The following CDYL variants were observed in gnomAD, a reference collection of about 807,000 sequenced individuals.
The protein encoded by CDYL is chromodomain Y like.
A neutral mutation model predicts 47.3 loss-of-function variants in CDYL; 8 were observed. The ratio of observed to expected loss-of-function variants is 0.17; its 90% CI spans 0.10 to 0.31. The LOEUF is 0.31. CDYL is among the 10% of genes least tolerant of loss of function. CDYL has a pLI of 1.00. For missense variants in CDYL, 471 were observed against 701.4 expected (o/e 0.67, Z 3.71); for synonymous variants, 266 against 265.0 (o/e 1.00, Z -0.04).
intron 5 of CDYL, among the ~76,000 whole-genome samples, chr6:4,944,694 A>G (rs750610932): frequency 2.6e-5 from 4 of 152,256 alleles, no homozygotes; most frequent in Admixed American, 6.5e-5. Context: ...TTAGGCAGCA[A>G]TAACTTGCAG....
chr6:4,722,738 G>A (rs1757394928), intron 2 of CDYL, among the ~76,000 whole-genome samples: 1 of 152,116 alleles, frequency 6.6e-6, no homozygotes, highest in Non-Finnish European at 1.5e-5. Context: ...TTAGCTGGAT[G>A]TGCAGGTGCA....
intron 1 of CDYL, among the ~76,000 whole-genome samples, chr6:4,891,000 G>A (rs1000955037): frequency 9.9e-5 from 15 of 152,174 alleles, no homozygotes; most frequent in East Asian, 7.7e-4. Context: ...AATTTGTCAC[G>A]GTGATAAAAC....
At chr6:4,716,174 G>C (rs1295932707) in intron 2 of CDYL, among the ~76,000 whole-genome samples, 1 of 151,806 alleles carries the variant, frequency 6.6e-6, no homozygotes, top group Non-Finnish European at 1.5e-5. Context: ...CGTGAACCCG[G>C]GAGGCGGAGC....
intron 3 of CDYL, among the ~76,000 whole-genome samples, chr6:4,744,575 A>G (rs1346100332): frequency 6.6e-6 from 1 of 152,220 alleles, no homozygotes; most frequent in Non-Finnish European, 1.5e-5. Flanking sequence ...GAGTCCTACT[A>G]CCACTGATTA....
chr6:4,749,291 GGATGGATGGATGGATA>G (rs1409100022), intron 3 of CDYL, among the ~76,000 whole-genome samples: 6 of 135,034 alleles, frequency 4.4e-5, no homozygotes, highest in Admixed American at 8.2e-5. Flanking sequence ...TTGGATGGAT[GGATGGATGGATGGATA>G]GATGGATGGA....
In CDYL at chr6:4,937,609, T is replaced by C. The variant is rs1758237705; in HGVS notation, c.993T>C (p.Asp331=). The C allele has an allele frequency of 1.9e-6, 3 of 1,599,958 alleles. No homozygotes were observed. The highest frequency in any genetic ancestry group is 1.4e-5 in the African/African-American group (1 of 73,880). Residue 331 remains aspartate (D), a synonymous_variant, in exon 4 of 7, where the codon GAT becomes GAC. Transcript: ENST00000397588. The stretch of plus-strand genomic sequence containing the variant: ...GTGCTCTGAGCACGGCCGCTGCCGA[T>C]GACAGCAAGCTGGTACTGCTCAGCG... ...VQSALSTAAA[D]DSKLVLLSAV...
chr6:4,777,713 G>T (rs1395992340), intron 1 of CDYL, among the ~76,000 whole-genome samples: 1 of 152,136 alleles, frequency 6.6e-6, no homozygotes, highest in Non-Finnish European at 1.5e-5. Flanking sequence ...GGTGTTGAGG[G>T]ACTTAAGGAA....
At chr6:4,948,041 G>A (rs1207653512) in intron 5 of CDYL, among the ~76,000 whole-genome samples, 7 of 152,218 alleles carry the variant, frequency 4.6e-5, no homozygotes, top group African/African-American at 1.7e-4. Flanking sequence ...CCATGGTAGA[G>A]TCATTATCAG....
chr6:4,938,817 C>G (rs983958862), intron 4 of CDYL, among the ~76,000 whole-genome samples: 2 of 152,176 alleles, frequency 1.3e-5, no homozygotes, highest in Non-Finnish European at 2.9e-5. Flanking sequence ...GGATTTTCCT[C>G]TGCTATATGA....
chr6:4,876,155 C>T (rs1351377964), intron 1 of CDYL, among the ~76,000 whole-genome samples: 1 of 152,236 alleles, frequency 6.6e-6, no homozygotes, highest in East Asian at 1.9e-4. Context: ...GTTGTTTATA[C>T]AGTAGTTTTT....
At chr6:4,734,783 C>T (rs1757672402) in exon 3 of CDYL, 1 of 1,614,166 alleles carries the variant, frequency 6.2e-7, no homozygotes, top group Non-Finnish European at 8.5e-7. Context: ...GATGGGCCTT[C>T]AGACCCCAGC....
intron 2 of CDYL, among the ~76,000 whole-genome samples, chr6:4,928,025 A>T (rs538965794): frequency 2.8e-4 from 43 of 152,308 alleles, no homozygotes; most frequent in Non-Finnish European, 4.3e-4. Context: ...CCTCTAGCTC[A>T]TCATTTTCCC....
intron 2 of CDYL, among the ~76,000 whole-genome samples, chr6:4,922,959 T>C (rs1757761385): frequency 6.6e-6 from 1 of 152,230 alleles, no homozygotes; most frequent in South Asian, 2.1e-4. Context: ...TATTTTTTAC[T>C]ATTTTTACTC....
At chr6:4,767,752 C>T (rs181176950) in intron 3 of CDYL, among the ~76,000 whole-genome samples, 1 of 152,202 alleles carries the variant, frequency 6.6e-6, no homozygotes, top group African/African-American at 2.4e-5. Flanking sequence ...CCACTTTACT[C>T]AATGTCATAT....
At chr6:4,820,389 C>G (rs1759800931) in intron 1 of CDYL, among the ~76,000 whole-genome samples, 1 of 152,146 alleles carries the variant, frequency 6.6e-6, no homozygotes, top group Non-Finnish European at 1.5e-5. Flanking sequence ...CTCCTCACAG[C>G]AAAGTTTTAC....
At chr6:4,893,410 T>A (rs527383146) in intron 2 of CDYL, among the ~76,000 whole-genome samples, 1 of 152,318 alleles carries the variant, frequency 6.6e-6, no homozygotes, top group Admixed American at 6.5e-5. Context: ...ATTGTCTCTT[T>A]AGCCGGGCGT....
In CDYL at chr6:4,723,340, C is replaced by T. The variant is rs150103571; in HGVS notation, c.103+7459C>T. The stretch of plus-strand genomic sequence containing the variant: ...TTCCTAGGGTCCTAGAACCAATCCC[C>T]AACAGATACCAAGGATGACTGCACT... On this transcript the variant is annotated intron_variant, in intron 2 of 8. Transcript: ENST00000328908. Among the ~76,000 whole-genome samples, 590 of 152,116 alleles carry T rather than the reference C, an allele frequency of 3.9e-3. 4 individuals carry two copies. The highest frequency in any genetic ancestry group is 0.014 in the African/African-American group (564 of 41,484).
In CDYL at chr6:4,954,895, G is replaced by A. The variant is rs1363992521; in HGVS notation, c.*839G>A. On this transcript the variant is annotated 3_prime_UTR_variant, in exon 7 of 7. Coordinates refer to ENST00000397588, the MANE Select transcript of CDYL (RefSeq NM_004824.4). Reference sequence around the variant, plus strand: ...CTACATAAGTGCTTCTTGTTGCTGGGTGAGAAATACTACTTTATAGACAGT... The same window carrying A: ...CTACATAAGTGCTTCTTGTTGCTGGATGAGAAATACTACTTTATAGACAGT... 3 of 152,194 alleles carry A rather than the reference G, an allele frequency of 2.0e-5. No individual in the cohort carries two copies. The highest frequency in any genetic ancestry group is 4.4e-5 in the Non-Finnish European group (3 of 68,032). The allele number at this position is 152,194 out of a possible 1,614,324, so 9.4% of individuals were successfully genotyped here. A position where few individuals can be genotyped will look rare whatever the true frequency, so the allele number is the denominator to read the frequency against.
intron 1 of CDYL, among the ~76,000 whole-genome samples, chr6:4,841,169 T>C (rs1268088300): frequency 6.6e-6 from 1 of 152,182 alleles, no homozygotes; most frequent in East Asian, 1.9e-4. Flanking sequence ...AATGTGTCCA[T>C]TTCCTCTAGG....
Sources: gnomAD v4.1 joint callset for allele counts (sites outside exome capture counted in the v4.1 genomes callset) on GRCh38, gnomAD v4.1.1 for gene constraint, MANE v1.5 for transcripts, NCBI Gene and HGNC (gene_info 2026-07-23, HGNC 2026-07-21) for gene names.